Variants in NTNG1 observed in about 807,000 individuals in gnomAD.
NTNG1 encodes the protein netrin G1.
In NTNG1, 16 loss-of-function variants were observed where a neutral mutation model predicts 54.0. That is an observed-to-expected ratio of 0.30 (90% CI 0.20 to 0.45). The LOEUF is 0.45. Among genes scored for constraint, NTNG1 ranks in the 20% least tolerant of loss-of-function variants. The pLI, the probability that NTNG1 is intolerant of heterozygous loss-of-function variation, is 1.00. For synonymous variants in NTNG1, 255 were observed against 263.1 expected (o/e 0.97, Z 0.30); for missense variants, 530 against 678.7 (o/e 0.78, Z 2.43).
At chr1:107,429,059 C>T (rs1187193534) in intron 5 of NTNG1, among the ~76,000 whole-genome samples, 1 of 152,128 alleles carries the variant, frequency 6.6e-6, no homozygotes, top group Non-Finnish European at 1.5e-5. Context: ...TCCTCACACT[C>T]ACCCTTCTCT....
intron 2 of NTNG1, among the ~76,000 whole-genome samples, chr1:107,167,725 C>G (rs557639728): frequency 6.6e-6 from 1 of 152,018 alleles, no homozygotes; most frequent in Admixed American, 6.6e-5. Context: ...AAATGCCTAA[C>G]ATGTATTAAT....
intron 7 of NTNG1, among the ~76,000 whole-genome samples, chr1:107,479,103 G>A (rs189942350): frequency 1.3e-5 from 2 of 152,306 alleles, no homozygotes; most frequent in African/African-American, 2.4e-5. Flanking sequence ...GATAGCAAAC[G>A]TGGATACATT....
At chr1:107,458,138 A>T (rs1677065402) in intron 7 of NTNG1, among the ~76,000 whole-genome samples, 1 of 152,198 alleles carries the variant, frequency 6.6e-6, no homozygotes, top group African/African-American at 2.4e-5. Flanking sequence ...ACAGAACAAT[A>T]AAAAGCTGAT....
chr1:107,162,828 T>C (rs112727841), intron 2 of NTNG1, among the ~76,000 whole-genome samples: 5,944 of 152,300 alleles, frequency 0.039, 128 homozygotes, highest in African/African-American at 0.056. Flanking sequence ...AATAGCCTTA[T>C]AGTGCTTTAA....
intron 2 of NTNG1, among the ~76,000 whole-genome samples, chr1:107,232,964 A>G (rs1661170700): frequency 6.6e-6 from 1 of 152,220 alleles, no homozygotes; most frequent in African/African-American, 2.4e-5. Flanking sequence ...TCATCAGAAT[A>G]TGCTTTTTCC....
intron 2 of NTNG1, among the ~76,000 whole-genome samples, chr1:107,289,771 G>A (rs1294125040): frequency 2.6e-5 from 4 of 152,014 alleles, no homozygotes; most frequent in African/African-American, 9.7e-5. Flanking sequence ...TTAAATTTTT[G>A]TTGAGTGTTC....
At chr1:107,386,401 T>C (rs1249512591) in intron 3 of NTNG1, among the ~76,000 whole-genome samples, 1 of 152,068 alleles carries the variant, frequency 6.6e-6, no homozygotes, top group African/African-American at 2.4e-5. Flanking sequence ...CTTGAACTCC[T>C]GACCTCAAGT....
Position 107,316,639 on chromosome 1 carries a change from G to A in NTNG1, c.247-7643G>A, listed in dbSNP as rs1667355039. On this transcript the variant is annotated intron_variant, in intron 2 of 7. Transcript: ENST00000370068. ...TTTATATAAAATTACATTGAATTAT[G>A]TACCAAGAGATGAAACTGATGCTCC... 2.0e-5 allele frequency among the ~76,000 whole-genome samples: 3 copies of A among 152,066 alleles called. No homozygotes were observed. In the South Asian group the frequency reaches 6.2e-4, roughly 32 times the overall value.
intron 2 of NTNG1, among the ~76,000 whole-genome samples, chr1:107,231,562 G>T (rs182569067): frequency 6.1e-4 from 92 of 152,064 alleles, no homozygotes; most frequent in African/African-American, 2.1e-3. Context: ...ATATGAGTAG[G>T]TTAGATTATC....
At chr1:107,468,719 G>C (rs1677763471) in intron 7 of NTNG1, among the ~76,000 whole-genome samples, 1 of 152,170 alleles carries the variant, frequency 6.6e-6, no homozygotes, top group Non-Finnish European at 1.5e-5. Context: ...AGATCCTTCA[G>C]GTCTTCAGGG....
At chr1:107,287,263 TA>T (rs946849520) in intron 2 of NTNG1, among the ~76,000 whole-genome samples, 4 of 150,486 alleles carry the variant, frequency 2.7e-5, no homozygotes, top group African/African-American at 4.9e-5. Context: ...TCTCAACCAA[TA>T]AAAAAAAAGG....
intron 3 of NTNG1, among the ~76,000 whole-genome samples, chr1:107,341,152 TTA>T (rs1275741439): frequency 6.6e-6 from 1 of 152,044 alleles, no homozygotes; most frequent in African/African-American, 2.4e-5. Flanking sequence ...AAGTTTTGTT[TTA>T]TTTTTAATTA....
intron 3 of NTNG1, among the ~76,000 whole-genome samples, chr1:107,386,829 A>T (rs1672030769): frequency 6.6e-6 from 1 of 152,238 alleles, no homozygotes; most frequent in African/African-American, 2.4e-5. Flanking sequence ...TGGCTGTACC[A>T]CTTTGAAAGT....
rs781321861 is a variant in NTNG1 at position 107,148,615 on chromosome 1, T to G, written c.22T>G (p.Ser8Ala). 1 of 1,613,378 alleles carries G rather than the reference T, an allele frequency of 6.2e-7. No homozygotes were observed. Among genetic ancestry groups the G allele is most frequent in the South Asian group, 1.1e-5 (1 of 91,046 alleles). The change falls in exon 2 of 8, where the codon TCG (serine) becomes GCG (alanine). Residue 8 changes from serine to alanine, a missense_variant. Ser to Ala is a moderately conservative substitution (Grantham distance 99). This residue lies in a region of NTNG1 where 318 missense variants were observed against 465.1 expected (regional missense o/e 0.68). Transcript: ENST00000370068. The part of the protein sequence containing the change: MYLSRFL[S>A]IHALWVTVSS... ...AGAGATGTATTTGTCAAGATTCCTGTCGATTCATGCCCTTTGGGTTACGGT... is the reference window on the plus strand; with the variant it reads ...AGAGATGTATTTGTCAAGATTCCTGGCGATTCATGCCCTTTGGGTTACGGT...
At chr1:107,383,333 A>G (rs1671761409) in intron 3 of NTNG1, among the ~76,000 whole-genome samples, 1 of 152,114 alleles carries the variant, frequency 6.6e-6, no homozygotes, top group Non-Finnish European at 1.5e-5. Context: ...TTCTTGCTCT[A>G]TTTTTCTTTT....
chr1:107,195,778 C>T (rs1251361509), intron 2 of NTNG1, among the ~76,000 whole-genome samples: 1 of 151,970 alleles, frequency 6.6e-6, no homozygotes, highest in Non-Finnish European at 1.5e-5. Context: ...TCTGGATATC[C>T]ATATGACTTG....
intron 7 of NTNG1, among the ~76,000 whole-genome samples, chr1:107,468,183 C>T (rs1320260062): frequency 6.6e-6 from 1 of 152,128 alleles, no homozygotes; most frequent in Non-Finnish European, 1.5e-5. Context: ...TTAAATATCC[C>T]TGCTGTTTAA....
At chr1:107,302,020 TG>T (rs1490977514) in intron 2 of NTNG1, among the ~76,000 whole-genome samples, 1 of 152,194 alleles carries the variant, frequency 6.6e-6, no homozygotes, top group East Asian at 1.9e-4. Context: ...AGGAAGATCC[TG>T]GTAAACATTT....
chr1:107,397,891 A>C (rs1672779492), intron 4 of NTNG1, among the ~76,000 whole-genome samples: 1 of 152,064 alleles, frequency 6.6e-6, no homozygotes, highest in Admixed American at 6.6e-5. Context: ...TCATTAGTGT[A>C]GTACTTCCAG....
Sources: allele counts gnomAD v4.1 joint callset (sites outside exome capture counted in the v4.1 genomes callset), GRCh38; gene constraint gnomAD v4.1.1; regional missense constraint gnomAD v4.1.1; transcripts MANE v1.5; gene names NCBI Gene and HGNC (gene_info 2026-07-23, HGNC 2026-07-21).